The following FGD2 variants were observed in gnomAD, a reference collection of about 807,000 sequenced individuals.
FGD2 encodes the protein FYVE, RhoGEF and PH domain-containing protein 2.
In FGD2, 52 loss-of-function variants were observed where a neutral mutation model predicts 75.9. That is an observed-to-expected ratio of 0.69 (90% CI 0.55 to 0.86). The LOEUF is 0.86. FGD2 is among the 40% of genes least tolerant of loss of function. The pLI is 0.00. For missense variants in FGD2, 790 were observed against 872.0 expected (o/e 0.91, Z 1.18); for synonymous variants, 347 against 348.6 (o/e 1.00, Z 0.05).
At chr6:37,022,392 C>T (rs1044245453) in intron 13 of FGD2, 22 bp downstream of exon 13, 1 of 1,546,082 alleles carries the variant, frequency 6.5e-7, no homozygotes, top group Non-Finnish European at 8.7e-7. Flanking sequence ...TGCCAGCACT[C>T]CTGCCTCCAC....
At chr6:37,026,480 T>G (rs1023272210) in intron 14 of FGD2, among the ~76,000 whole-genome samples, 5 of 152,196 alleles carry the variant, frequency 3.3e-5, no homozygotes, top group Admixed American at 2.0e-4. Flanking sequence ...ATGTTCTTTC[T>G]GTTGCCCTGG....
At chr6:37,020,225 C>T (rs1181923175) in intron 9 of FGD2, among the ~76,000 whole-genome samples, 1 of 152,202 alleles carries the variant, frequency 6.6e-6, no homozygotes, top group Non-Finnish European at 1.5e-5. Context: ...CTCATATACT[C>T]ATCCAGTTTT....
At position 37,009,062 on chromosome 6, in the gene FGD2, G is replaced by A. The variant is rs831509; in HGVS notation, c.297G>A (p.Thr99=). 9.7e-3 allele frequency: 15,579 copies of A among 1,613,702 alleles called. 178 individuals carry two copies. Among genetic ancestry groups the A allele is most frequent in the African/African-American group, 0.051 (3,830 of 75,052 alleles). Residue 99 remains threonine (T), a synonymous_variant, in exon 2 of 16, where the codon ACG becomes ACA. Coordinates refer to ENST00000274963, the MANE Select transcript of FGD2 (RefSeq NM_173558.4). ...CTGTGACCCTCTCAGGATCGGGGAC[G>A]CAGGTGCCTGAGGGCTGAGGTAGAG... ...CQPVTLSGSG[T]QEPEKKIVQE...
At chr6:37,018,696 G>C (rs1276465431) in intron 9 of FGD2, among the ~76,000 whole-genome samples, 2 of 152,202 alleles carry the variant, frequency 1.3e-5, no homozygotes, top group Non-Finnish European at 1.5e-5. Flanking sequence ...GATGTCTTCT[G>C]CAGCCAACTG....
intron 2 of FGD2, chr6:37,009,773 G>C (rs1764922644): frequency 6.6e-6 from 1 of 152,200 alleles, no homozygotes; most frequent in Admixed American, 6.5e-5. Context: ...CAGCACTTTG[G>C]GAGGCCGAGG....
chr6:37,021,494 C>A lies in FGD2; in HGVS notation c.1234-18C>A. 1 of 1,609,074 alleles carries A rather than the reference C, an allele frequency of 6.2e-7. No homozygotes were observed. The highest frequency in any genetic ancestry group is 8.5e-7 in the Non-Finnish European group (1 of 1,176,926). On this transcript the variant is annotated intron_variant, in intron 11 of 15. Transcript: ENST00000274963. ...TTCCACACCTCAAGCCCCGACCCTC[C>A]CCCTCCCTGCACCCCAGGCCTTCCA...
At chr6:37,015,983 C>A in intron 9 of FGD2, 123 bp downstream of exon 9, 2 of 861,658 alleles carry the variant, frequency 2.3e-6, no homozygotes, top group Non-Finnish European at 3.6e-6. Flanking sequence ...CCTGGGCAAA[C>A]ATGGAGATGG....
chr6:37,014,932 G>A lies in FGD2; in HGVS notation c.923G>A (p.Gly308Asp), dbSNP rs780743333. 4 of 1,614,002 alleles carry A rather than the reference G, an allele frequency of 2.5e-6. No homozygotes were observed. Among genetic ancestry groups the A allele is most frequent in the Non-Finnish European group, 3.4e-6 (4 of 1,180,010 alleles). ...CTGTGGGAGGTGTACCAGCGCCTGG[G>A]CCTCGAGGACGACATAGTAGACCCC... ...QDLWEVYQRL[G>D]LEDDIVDPSN... The change falls in exon 8 of 16, where the codon GGC (glycine) becomes GAC (aspartate). Residue 308 changes from glycine to aspartate, a missense_variant. Gly to Asp is a moderately conservative substitution (Grantham distance 94). Coordinates refer to ENST00000274963, the MANE Select transcript of FGD2 (RefSeq NM_173558.4).
chr6:37,018,546 A>AG (rs1765413620), intron 9 of FGD2, among the ~76,000 whole-genome samples: 1 of 152,132 alleles, frequency 6.6e-6, no homozygotes, highest in Admixed American at 6.5e-5. Flanking sequence ...ATTCTCTCCA[A>AG]GGTCTGACTT....
chr6:37,026,149 C>G, intron 14 of FGD2: 1 of 985,444 alleles, frequency 1.0e-6, no homozygotes, highest in Non-Finnish European at 1.2e-6. Context: ...ATGGAGGCAC[C>G]CTTTGGCTGC....
intron 10 of FGD2, 36 bp downstream of exon 10, chr6:37,020,656 G>A: frequency 1.3e-6 from 2 of 1,584,328 alleles, no homozygotes; most frequent in Non-Finnish European, 1.7e-6. Flanking sequence ...GGGCCAGGCG[G>A]GAAAACTGGG....
chr6:37,015,573 T>C (rs1453360751), intron 8 of FGD2, among the ~76,000 whole-genome samples, 195 bp from the exon 9 acceptor site: 2 of 152,190 alleles, frequency 1.3e-5, no homozygotes, highest in Admixed American at 6.5e-5. Flanking sequence ...CCTAGGGGAA[T>C]TGGGAGCTTG....
intron 2 of FGD2, 115 bp from the exon 3 acceptor site, chr6:37,010,858 C>G: frequency 3.0e-6 from 3 of 991,936 alleles, no homozygotes; most frequent in Non-Finnish European, 4.7e-6. Flanking sequence ...GGCCATGAAT[C>G]CCGGGAGGCA....
rs746069675 is a variant in FGD2 at position 37,027,433 on chromosome 6, G to T, written c.1610G>T (p.Gly537Val). ...EDKRRGILEK[G>V]SSATPDQSLM... ...AGTCCCTCCTTCTGGTTTTAGAAAG[G>T]GTCCTCAGCCACGCCTGACCAGAGC... The change falls in exon 15 of 16, where the codon GGG (glycine) becomes GTG (valine). Residue 537 changes from glycine (G) to valine (V), a missense_variant. Coordinates refer to ENST00000274963, the MANE Select transcript of FGD2 (RefSeq NM_173558.4). 7 of 1,603,374 alleles carry T rather than the reference G, an allele frequency of 4.4e-6. No individual in the cohort carries two copies. The East Asian group carries it at 1.1e-4, about 26-fold the overall frequency.
chr6:37,012,053 T>G, intron 4 of FGD2, 199 bp downstream of exon 4: 1 of 569,282 alleles, frequency 1.8e-6, no homozygotes, highest in Non-Finnish European at 2.9e-6. Context: ...GCAGACTGCT[T>G]CCTGGGGAAA....
At chr6:37,025,661 T>C in intron 13 of FGD2, 131 bp from the exon 14 acceptor site, 1 of 932,296 alleles carries the variant, frequency 1.1e-6, no homozygotes, top group Non-Finnish European at 1.7e-6. Context: ...CTGCCTCTAT[T>C]CCTCCCTCGA....
At chr6:37,026,121 T>C in intron 14 of FGD2, 183 bp downstream of exon 14, 1 of 985,210 alleles carries the variant, frequency 1.0e-6, no homozygotes, top group Non-Finnish European at 1.2e-6. Flanking sequence ...GCCCAGGCAG[T>C]GTGGAGCCTG....
At chr6:37,018,165 G>A (rs1263206933) in intron 9 of FGD2, among the ~76,000 whole-genome samples, 1 of 152,196 alleles carries the variant, frequency 6.6e-6, no homozygotes, top group Non-Finnish European at 1.5e-5. Context: ...TCGACAGATA[G>A]GAAGGCTAAG....
At chr6:37,008,146 G>A (rs899388687) in intron 1 of FGD2, among the ~76,000 whole-genome samples, 2 of 152,092 alleles carry the variant, frequency 1.3e-5, no homozygotes, top group Non-Finnish European at 2.9e-5. Flanking sequence ...CCATTTCCTG[G>A]CCTGTCTTTC....
Sources: allele counts gnomAD v4.1 joint callset (sites outside exome capture counted in the v4.1 genomes callset), GRCh38; gene constraint gnomAD v4.1.1; transcripts MANE v1.5; gene names NCBI Gene and HGNC (gene_info 2026-07-23, HGNC 2026-07-21).